CALY: variants seen among roughly 807,000 people sequenced by gnomAD.
CALY encodes neuron-specific vesicular protein calcyon.
CALY carries 15 observed loss-of-function variants against 20.2 expected under a neutral mutation model. The ratio of observed to expected loss-of-function variants is 0.74; its 90% CI spans 0.50 to 1.14. The LOEUF (loss-of-function observed/expected upper bound fraction) is 1.14. Ranked by LOEUF, CALY falls within the 50% of genes most tolerant of loss-of-function variation. CALY has a pLI of 0.00. For missense variants in CALY, 270 were observed against 304.4 expected, an observed-to-expected ratio of 0.89 and a Z score of 0.84; for synonymous variants, 129 against 131.8, an observed-to-expected ratio of 0.98 and a Z score of 0.15.
Position 133,328,975 on chromosome 10 carries a change from G to A in CALY, c.15C>T (p.Gly5=), listed in dbSNP as rs1264760306. The A allele has an allele frequency of 1.9e-6, 3 of 1,564,140 alleles. No homozygotes were observed. The East Asian group carries it at 7.0e-5, about 37-fold the overall frequency. MVKL[G]CSFSGKPGKD... is the part of the protein sequence containing the mutation. ...TACCTGGCTTCCCAGAGAAGCTGCA[G>A]CCCAGCTTCACCATGGTGGATGGCA... Residue 5 remains glycine, a synonymous_variant, in exon 2 of 6, where the codon GGC becomes GGT. Coordinates refer to ENST00000252939, the MANE Select transcript of CALY (RefSeq NM_015722.4).
chr10:133,333,475 T>TGACGCGGGGGGAAGGATCC (rs1218462513), intron 1 of CALY, among the ~76,000 whole-genome samples: 57 of 62,394 alleles, frequency 9.1e-4, no homozygotes, highest in African/African-American at 3.6e-3. Flanking sequence ...GGTAAGGATA[T>TGACGCGGGGGGAAGGATCC]GACGCGGGGG....
intron 1 of CALY, among the ~76,000 whole-genome samples, chr10:133,332,702 A>T (rs908183278): frequency 3.9e-5 from 6 of 152,206 alleles, no homozygotes; most frequent in Admixed American, 2.0e-4. Context: ...ATTTGAAAAT[A>T]GGGTCTTTGC....
chr10:133,330,488 T>TTA (rs1447974218), intron 1 of CALY, among the ~76,000 whole-genome samples: 1 of 142,248 alleles, frequency 7.0e-6, no homozygotes, highest in Non-Finnish European at 1.5e-5. Flanking sequence ...AAACCCCGTC[T>TTA]CTACTAAAAA....
intron 1 of CALY, among the ~76,000 whole-genome samples, chr10:133,333,013 T>G (rs962331967): frequency 6.6e-6 from 1 of 151,934 alleles, no homozygotes; most frequent in African/African-American, 2.4e-5. Flanking sequence ...GCTTGTAATT[T>G]GTGACAGCAG....
chr10:133,336,604 A>G (rs1339974121), intron 1 of CALY, among the ~76,000 whole-genome samples: 1 of 152,208 alleles, frequency 6.6e-6, no homozygotes, highest in Non-Finnish European at 1.5e-5. Context: ...GGCCTGGGGC[A>G]GCCAGAGGAG....
Position 133,325,836 on chromosome 10 carries a change from G to C in CALY, c.645C>G (p.Pro215=), listed in dbSNP as rs1240262711. Reference sequence around the variant, plus strand: ...TGCGGGGCTGGAGACGTCACTGCGCGGGCGGGGGCGCCGCGCTCCCGGCCG... The same window carrying C: ...TGCGGGGCTGGAGACGTCACTGCGCCGGCGGGGGCGCCGCGCTCCCGGCCG... The part of the protein sequence containing the change: ...RKAAGSAAPP[P]AQ Residue 215 remains proline, a synonymous_variant, in exon 5 of 6, where the codon CCC becomes CCG. Coordinates refer to ENST00000252939, the MANE Select transcript of CALY (RefSeq NM_015722.4). 8.2e-7 allele frequency: 1 copy of C among 1,223,324 alleles called. No individual in the cohort carries two copies. The highest frequency in any genetic ancestry group is 1.0e-6 in the Non-Finnish European group (1 of 983,064). The allele number at this position is 1,223,324 out of a possible 1,614,324, so 75.8% of individuals were successfully genotyped here. A position where few individuals can be genotyped will look rare whatever the true frequency, so the allele number is the denominator to read the frequency against.
intron 3 of CALY, 98 bp downstream of exon 3, chr10:133,327,806 AC>A (rs1848238775): frequency 1.3e-6 from 1 of 791,420 alleles, no homozygotes; most frequent in Non-Finnish European, 2.2e-6. Flanking sequence ...GAGCAAGGGG[AC>A]CCCAGACTGG....
intron 3 of CALY, chr10:133,327,468 T>G: frequency 1.8e-6 from 1 of 555,800 alleles, no homozygotes; most frequent in Non-Finnish European, 3.2e-6. Flanking sequence ...ATGGAAGGCT[T>G]TGGAAACAGT....
rs1848178416 is a variant in CALY, at chr10:133,324,868, C to T, written c.*727G>A. 3.4e-6 allele frequency: 1 copy of T among 290,726 alleles called. No individual in the cohort carries two copies. Among genetic ancestry groups the T allele is most frequent in the African/African-American group, 2.3e-5 (1 of 43,176 alleles). 18.0% of individuals were successfully genotyped at this position (290,726 alleles called of 1,614,324 possible). ...ACCATCTTTCATCTGGCTCCAGGGACACGGGAGACCCCAGCCCCCAGGAAC... is the reference window on the plus strand; with the variant it reads ...ACCATCTTTCATCTGGCTCCAGGGATACGGGAGACCCCAGCCCCCAGGAAC... On this transcript the variant is annotated 3_prime_UTR_variant, in exon 6 of 6. Coordinates refer to ENST00000252939, the MANE Select transcript of CALY (RefSeq NM_015722.4).
chr10:133,326,506 T>A (rs532482218), intron 4 of CALY, among the ~76,000 whole-genome samples: 180 of 145,960 alleles, frequency 1.2e-3, no homozygotes, highest in African/African-American at 4.3e-3. Context: ...CAAAGAGATT[T>A]AAAAAAAAAA....
chr10:133,333,630 G>A (rs548286393), intron 1 of CALY, among the ~76,000 whole-genome samples: 2 of 149,018 alleles, frequency 1.3e-5, no homozygotes, highest in African/African-American at 5.0e-5. Flanking sequence ...GGCTCTGAGG[G>A]GGAAAGATCT....
intron 4 of CALY, among the ~76,000 whole-genome samples, 169 bp downstream of exon 4, chr10:133,326,709 T>C (rs1848218766): frequency 6.6e-6 from 1 of 152,226 alleles, no homozygotes; most frequent in South Asian, 2.1e-4. Flanking sequence ...ACTCATCTTT[T>C]CTTTTAAATT....
At chr10:133,331,320 A>C (rs55750911) in intron 1 of CALY, among the ~76,000 whole-genome samples, 9,158 of 152,284 alleles carry the variant, frequency 0.06, 373 homozygotes, top group African/African-American at 0.11. Context: ...CCAGACAAGA[A>C]AAAGTAAAAC....
rs1197987465 is a variant in CALY at position 133,326,122 on chromosome 10, T to TGC, written c.361-4_361-3dup. ...GGTCAGCGGCGTGCAGATCTTGTGCTGCGGGAGGGGCCGGGTCAGGGTCGG... is the reference window on the plus strand; with the variant it reads ...GGTCAGCGGCGTGCAGATCTTGTGCTGCGCGGGAGGGGCCGGGTCAGGGTCGG... On this transcript the variant is annotated splice_polypyrimidine_tract_variant and splice_region_variant and intron_variant, in intron 4 of 5. Coordinates refer to ENST00000252939, the MANE Select transcript of CALY (RefSeq NM_015722.4). 2 of 1,594,412 alleles carry TGC rather than the reference T, an allele frequency of 1.3e-6. No individual in the cohort carries two copies. Among genetic ancestry groups the TGC allele is most frequent in the Non-Finnish European group, 1.7e-6 (2 of 1,167,262 alleles).
chr10:133,326,895 CG>C lies in CALY; in HGVS notation c.342del (p.Asp115ThrfsTer13). On this transcript the variant is annotated frameshift_variant, in exon 4 of 6. Coordinates refer to ENST00000252939, the MANE Select transcript of CALY (RefSeq NM_015722.4). LOFTEE classifies it high-confidence loss of function. ...CCCCTTACCCGCAGCAGGAAGCCGT[CG>C]GGGCAGGTGAACTGGTCGTACCAGA... ...KAIWYDQFTC[P>X]DGFLLRHKIC... The C allele has an allele frequency of 1.9e-6, 3 of 1,608,166 alleles. No individual in the cohort carries two copies. Among genetic ancestry groups the C allele is most frequent in the Non-Finnish European group, 2.5e-6 (3 of 1,178,222 alleles).
chr10:133,336,872 G>C lies in CALY; in HGVS notation c.-59C>G, dbSNP rs1186861951. The C allele has an allele frequency of 6.6e-6, 1 of 152,368 alleles. No individual in the cohort carries two copies. The highest frequency in any genetic ancestry group is 1.5e-5 in the Non-Finnish European group (1 of 68,122). 9.4% of individuals were successfully genotyped at this position (152,368 alleles called of 1,614,324 possible). ...GGCAGCTGCTGCAGGACGCGGTCGG[G>C]GAGGACGACGATGCGGATGTGGATG... On this transcript the variant is annotated 5_prime_UTR_variant, in exon 1 of 6. Coordinates refer to ENST00000252939, the MANE Select transcript of CALY (RefSeq NM_015722.4).
chr10:133,327,018 G>T (rs374126151), intron 3 of CALY, 27 bp from the exon 4 acceptor site: 1 of 1,511,646 alleles, frequency 6.6e-7, no homozygotes, highest in Non-Finnish European at 9.1e-7. Flanking sequence ...GAGGGGCTCA[G>T]CCACGCCAGG....
chr10:133,332,576 G>A (rs1332289524), intron 1 of CALY, among the ~76,000 whole-genome samples: 2 of 152,202 alleles, frequency 1.3e-5, no homozygotes, highest in Non-Finnish European at 2.9e-5. Context: ...CCAAGACTGG[G>A]AGAAGACAGT....
intron 3 of CALY, 30 bp downstream of exon 3, chr10:133,327,875 C>A: frequency 6.9e-7 from 1 of 1,445,190 alleles, no homozygotes; most frequent in Non-Finnish European, 9.7e-7. Flanking sequence ...TGTCCTGAGT[C>A]CCCACAGTGG....
Sources: gnomAD v4.1 joint callset for allele counts (sites outside exome capture counted in the v4.1 genomes callset) on GRCh38, gnomAD v4.1.1 for gene constraint, MANE v1.5 for transcripts, NCBI Gene and HGNC (gene_info 2026-07-23, HGNC 2026-07-21) for gene names.